The following RUFY1 variants were observed in gnomAD, a reference collection of about 807,000 sequenced individuals.
RUFY1 encodes the protein RUN and FYVE domain containing 1.
In RUFY1, 54 loss-of-function variants were observed where a neutral mutation model predicts 94.6. The ratio of observed to expected loss-of-function variants is 0.57; its 90% CI spans 0.46 to 0.72. RUFY1 has a LOEUF of 0.72. RUFY1 is among the 30% of genes least tolerant of loss of function. The probability of loss-of-function intolerance (pLI) is 0.00; values close to 1 mark genes in which losing one functional copy is unlikely to be tolerated. For synonymous variants in RUFY1, 396 were observed against 347.3 expected, an observed-to-expected ratio of 1.14 and a Z score of -1.56; for missense variants, 883 against 883.9, an observed-to-expected ratio of 1.00 and a Z score of 0.01.
chr5:179,586,261 C>T (rs1048712039), intron 8 of RUFY1: 3 of 455,130 alleles, frequency 6.6e-6, no homozygotes, highest in Non-Finnish European at 1.3e-5. Flanking sequence ...CAGCCCACCC[C>T]TTCTGCTTTG....
chr5:179,596,683 T>C lies in RUFY1; in HGVS notation c.1631+2T>C. 6.4e-7 allele frequency: 1 copy of C among 1,573,012 alleles called. No homozygotes were observed. Among genetic ancestry groups the C allele is most frequent in the Non-Finnish European group, 8.6e-7 (1 of 1,159,320 alleles). On this transcript the variant is annotated splice_donor_variant, in intron 13 of 17. Transcript: ENST00000319449. LOFTEE classifies it high-confidence loss of function. ...GCTCTCCCAGCTGCACGAGCAATGG[T>C]AGGGGCCCTGCAGGGAGCCTGGGCT... is the stretch of plus-strand genomic sequence containing the variant.
chr5:179,590,487 G>GT (rs986182511), intron 9 of RUFY1, among the ~76,000 whole-genome samples: 13 of 151,652 alleles, frequency 8.6e-5, no homozygotes, highest in Admixed American at 2.6e-4. Context: ...TTTTGTTGTT[G>GT]TTGTTTGTTT....
intron 1 of RUFY1, among the ~76,000 whole-genome samples, chr5:179,556,975 T>G (rs1416455427): frequency 6.6e-6 from 1 of 152,236 alleles, no homozygotes; most frequent in Non-Finnish European, 1.5e-5. Context: ...CTTTCCAAGT[T>G]ATATGCCCCA....
At chr5:179,573,361 T>A (rs980350007) in intron 5 of RUFY1, among the ~76,000 whole-genome samples, 1 of 152,226 alleles carries the variant, frequency 6.6e-6, no homozygotes, top group Admixed American at 6.5e-5. Context: ...TGGCAGTGCC[T>A]ATAGTGTGTT....
At position 179,588,153 on chromosome 5, in the gene RUFY1, T is replaced by G. The variant is rs116456577; in HGVS notation, c.1027-1393T>G. On this transcript the variant is annotated intron_variant, in intron 8 of 17. Coordinates refer to ENST00000319449, the MANE Select transcript of RUFY1 (RefSeq NM_025158.5). ...GCCCTTTCAAGCCTTGGTGTTTCTT[T>G]TTTTGGGCACAGCAGTTAATGTGTA... Among the ~76,000 whole-genome samples, 78 of 152,282 alleles carry G rather than the reference T, an allele frequency of 5.1e-4. 1 individual carries two copies. The highest frequency in any genetic ancestry group is 1.8e-3 in the African/African-American group (74 of 41,544).
intron 7 of RUFY1, among the ~76,000 whole-genome samples, chr5:179,582,815 C>T (rs1443236810): frequency 2.6e-5 from 4 of 151,990 alleles, no homozygotes; most frequent in Non-Finnish European, 5.9e-5. Flanking sequence ...TGCACTCCAG[C>T]CTGGGCAACA....
chr5:179,580,247 T>TG (rs1186486577), intron 6 of RUFY1, among the ~76,000 whole-genome samples: 2 of 47,052 alleles, frequency 4.3e-5, no homozygotes, highest in Non-Finnish European at 6.2e-5. Flanking sequence ...GTGTGTATAT[T>TG]TTTTTTTTTT....
chr5:179,592,132 T>G (rs527469449), intron 10 of RUFY1, among the ~76,000 whole-genome samples: 4 of 151,984 alleles, frequency 2.6e-5, no homozygotes, highest in Admixed American at 2.0e-4. Flanking sequence ...TTTGGTTTTT[T>G]TTTTGAGACG....
chr5:179,567,876 C>G (rs1762951007), intron 4 of RUFY1, among the ~76,000 whole-genome samples: 1 of 151,916 alleles, frequency 6.6e-6, no homozygotes, highest in African/African-American at 2.4e-5. Context: ...TGCACTCCAG[C>G]CTGGGCGACA....
In RUFY1 at chr5:179,609,630, C is replaced by A; in HGVS notation, c.*111C>A. ...AGTATCAAAGGAAAGAATCAAATTT[C>A]TTGCCCGGTCACTGGCACTCCAGAA... On this transcript the variant is annotated 3_prime_UTR_variant, in exon 18 of 18. Coordinates refer to ENST00000319449, the MANE Select transcript of RUFY1 (RefSeq NM_025158.5). 8.6e-7 allele frequency: 1 copy of A among 1,165,934 alleles called. No individual in the cohort carries two copies. The highest frequency in any genetic ancestry group is 1.2e-6 in the Non-Finnish European group (1 of 860,306). The allele number at this position is 1,165,934 out of a possible 1,614,324, so 72.2% of individuals were successfully genotyped here. A position where few individuals can be genotyped will look rare whatever the true frequency, so the allele number is the denominator to read the frequency against.
intron 8 of RUFY1, chr5:179,586,295 T>C (rs1327844732): frequency 4.4e-6 from 2 of 459,370 alleles, no homozygotes; most frequent in Non-Finnish European, 8.7e-6. Context: ...GCAACCAGCC[T>C]CCCCACAGTG....
At chr5:179,601,556 C>G (rs1195356924) in intron 14 of RUFY1, among the ~76,000 whole-genome samples, 1 of 150,830 alleles carries the variant, frequency 6.6e-6, no homozygotes, top group African/African-American at 2.4e-5. Context: ...TGCAGTGGCT[C>G]ACGCCTGTAA....
intron 7 of RUFY1, among the ~76,000 whole-genome samples, chr5:179,584,659 G>A (rs1289923662): frequency 1.3e-5 from 2 of 151,960 alleles, no homozygotes; most frequent in African/African-American, 4.8e-5. Flanking sequence ...GGCAAGGTGG[G>A]AGGCCAAGGT....
intron 5 of RUFY1, among the ~76,000 whole-genome samples, chr5:179,571,654 GT>G (rs1763234962): frequency 6.6e-6 from 1 of 152,124 alleles, no homozygotes; most frequent in Non-Finnish European, 1.5e-5. Flanking sequence ...CTCCAGAAAG[GT>G]CTTCATTATA....
intron 1 of RUFY1, among the ~76,000 whole-genome samples, chr5:179,556,343 TA>T (rs1301720830): frequency 8.5e-5 from 13 of 152,172 alleles, no homozygotes; most frequent in Admixed American, 3.3e-4. Context: ...AGTATGTAAA[TA>T]AGTTAAAGTT....
chr5:179,566,660 T>G (rs2127520852), intron 3 of RUFY1, among the ~76,000 whole-genome samples: 1 of 151,574 alleles, frequency 6.6e-6, no homozygotes, highest in Middle Eastern at 3.4e-3. Context: ...TCCACAACAT[T>G]GTGAATGTAC....
At chr5:179,597,438 T>A (rs970417159) in intron 13 of RUFY1, among the ~76,000 whole-genome samples, 1 of 152,178 alleles carries the variant, frequency 6.6e-6, no homozygotes, top group Non-Finnish European at 1.5e-5. Flanking sequence ...GGTTTCACTG[T>A]GTTAACCCAG....
At position 179,609,698 on chromosome 5, in the gene RUFY1, G is replaced by A. The variant is rs974404833; in HGVS notation, c.*179G>A. ...GGCAGCTCTCACCTTTCTGTGACTTGTTCGGAATTAACTCCTCTGGATGGA... is the reference window on the plus strand; with the variant it reads ...GGCAGCTCTCACCTTTCTGTGACTTATTCGGAATTAACTCCTCTGGATGGA... On this transcript the variant is annotated 3_prime_UTR_variant, in exon 18 of 18. Coordinates refer to ENST00000319449, the MANE Select transcript of RUFY1 (RefSeq NM_025158.5). 1.7e-6 allele frequency: 1 copy of A among 573,988 alleles called. No individual in the cohort carries two copies. The highest frequency in any genetic ancestry group is 2.5e-5 in the South Asian group (1 of 39,552). The allele number at this position is 573,988 out of a possible 1,614,324, so 35.6% of individuals were successfully genotyped here.
At chr5:179,599,345 G>T (rs1451529934) in intron 14 of RUFY1, 1 of 152,880 alleles carries the variant, frequency 6.5e-6, no homozygotes, top group Admixed American at 6.5e-5. Flanking sequence ...AGAGTGGGTG[G>T]TAGGCTCGCA....
Sources: gnomAD v4.1 joint callset for allele counts (sites outside exome capture counted in the v4.1 genomes callset) on GRCh38, gnomAD v4.1.1 for gene constraint, MANE v1.5 for transcripts, NCBI Gene and HGNC (gene_info 2026-07-23, HGNC 2026-07-21) for gene names.